Variants in DMXL1 observed in about 807,000 individuals in gnomAD.
DMXL1 encodes the protein Dmx like 1.
A neutral mutation model predicts 319.2 loss-of-function variants in DMXL1; 99 were observed. That is an observed-to-expected ratio of 0.31 (90% CI 0.26 to 0.37). DMXL1 has a LOEUF of 0.37. DMXL1 is among the 10% of genes least tolerant of loss of function. The pLI is 1.00. For missense variants in DMXL1, 3,745 were observed against 3,595.6 expected (o/e 1.04, Z -1.06); for synonymous variants, 1,385 against 1,235.2 (o/e 1.12, Z -2.54).
At chr5:119,074,190 A>G (rs1055658750) in intron 1 of DMXL1, among the ~76,000 whole-genome samples, 7 of 152,224 alleles carry the variant, frequency 4.6e-5, no homozygotes, top group Non-Finnish European at 1.0e-4. Flanking sequence ...AAGTGCTGGG[A>G]TTACAGGCGG....
chr5:119,163,169 C>G (rs997363324), intron 19 of DMXL1, among the ~76,000 whole-genome samples: 2 of 151,964 alleles, frequency 1.3e-5, no homozygotes, highest in African/African-American at 4.8e-5. Context: ...AGATTCTATT[C>G]TAAATTTTAT....
At chr5:119,209,982 T>C (rs563650495) in intron 34 of DMXL1, among the ~76,000 whole-genome samples, 3 of 152,340 alleles carry the variant, frequency 2.0e-5, no homozygotes, top group African/African-American at 7.2e-5. Context: ...TATTTATTTA[T>C]TTTTTAAGCA....
At chr5:119,148,625 T>A in intron 17 of DMXL1, 114 bp from the exon 18 acceptor site, 1 of 1,031,580 alleles carries the variant, frequency 9.7e-7, no homozygotes, top group Non-Finnish European at 1.4e-6. Flanking sequence ...AGATGCCCCT[T>A]TGATTTTGTT....
At chr5:119,130,929 G>A (rs1166657618) in intron 10 of DMXL1, among the ~76,000 whole-genome samples, 1 of 151,344 alleles carries the variant, frequency 6.6e-6, no homozygotes, top group Non-Finnish European at 1.5e-5. Context: ...TGTTTTACCA[G>A]TTTATACTTC....
intron 40 of DMXL1, among the ~76,000 whole-genome samples, 171 bp downstream of exon 40, chr5:119,237,585 A>G (rs1424455282): frequency 6.6e-6 from 1 of 152,030 alleles, no homozygotes; most frequent in Non-Finnish European, 1.5e-5. Flanking sequence ...TTACTCTGTG[A>G]AGCATAAAAT....
Position 119,099,909 on chromosome 5 carries a change from G to A in DMXL1, c.213+1805G>A, listed in dbSNP as rs539703145. On this transcript the variant is annotated intron_variant, in intron 2 of 43. Coordinates refer to ENST00000539542, the MANE Select transcript of DMXL1 (RefSeq NM_001290321.3). ...CTAGCTACCCGGGAAGCTGAGGCGGGAGAATCACTTGAGCCCAGGAGTTCC... is the reference window on the plus strand; with the variant it reads ...CTAGCTACCCGGGAAGCTGAGGCGGAAGAATCACTTGAGCCCAGGAGTTCC... Among the ~76,000 whole-genome samples, 5 of 152,260 alleles carry A rather than the reference G, an allele frequency of 3.3e-5. No individual in the cohort carries two copies. The South Asian group carries it at 1.0e-3, about 32-fold the overall frequency.
intron 42 of DMXL1, among the ~76,000 whole-genome samples, chr5:119,241,403 T>C (rs1256581688): frequency 6.6e-6 from 1 of 151,622 alleles, no homozygotes; most frequent in Non-Finnish European, 1.5e-5. Context: ...GGCGTTGTGG[T>C]GGATGCCTGT....
At chr5:119,245,044 T>G (rs1371260930) in intron 43 of DMXL1, among the ~76,000 whole-genome samples, 1 of 152,192 alleles carries the variant, frequency 6.6e-6, no homozygotes, top group Admixed American at 6.5e-5. Context: ...GTTGAAAACT[T>G]AAGACAGGTT....
rs1761981125 is a variant in DMXL1, at chr5:119,121,258, T to C, written c.1102+119T>C. 4.0e-6 allele frequency: 3 copies of C among 754,060 alleles called. No individual in the cohort carries two copies. The South Asian group carries it at 1.3e-4, about 33-fold the overall frequency. The allele number at this position is 754,060 out of a possible 1,614,324, so 46.7% of individuals were successfully genotyped here. On this transcript the variant is annotated intron_variant, in intron 9 of 43. Transcript: ENST00000539542. The stretch of plus-strand genomic sequence containing the variant: ...ATTGGAGGTGACTGTCTTAGCCTAT[T>C]TTTCTTTTTTTTTTCTTTTTTTTTA...
At chr5:119,238,843 C>T in intron 40 of DMXL1, 146 bp from the exon 41 acceptor site, 2 of 1,422,350 alleles carry the variant, frequency 1.4e-6, no homozygotes, top group South Asian at 3.1e-5. Flanking sequence ...ATTACTTTTA[C>T]AATTTTTCTA....
intron 32 of DMXL1, among the ~76,000 whole-genome samples, chr5:119,199,985 C>G (rs1369236091): frequency 6.6e-6 from 1 of 152,018 alleles, no homozygotes; most frequent in Non-Finnish European, 1.5e-5. Flanking sequence ...AGACCTTTAT[C>G]AGGTACATAG....
At chr5:119,206,757 T>C (rs1781817428) in intron 33 of DMXL1, 77 bp from the exon 34 acceptor site, 1 of 880,294 alleles carries the variant, frequency 1.1e-6, no homozygotes, top group Non-Finnish European at 1.7e-6. Flanking sequence ...AAATATAGCA[T>C]TGAAACAATC....
At position 119,114,510 on chromosome 5, in the gene DMXL1, C is replaced by T. The variant is rs1760387038; in HGVS notation, c.533C>T (p.Pro178Leu). The T allele has an allele frequency of 6.2e-7, 1 of 1,609,406 alleles. No individual in the cohort carries two copies. Among genetic ancestry groups the T allele is most frequent in the Non-Finnish European group, 8.5e-7 (1 of 1,178,536 alleles). Reference sequence around the variant, plus strand: ...CAAGTTCATTTAATGAAATTTTCACCAGATGGAGAATTTTTTGCCACTGCT... The same window carrying T: ...CAAGTTCATTTAATGAAATTTTCACTAGATGGAGAATTTTTTGCCACTGCT... ...ASQVHLMKFSPDGEFFATAGK... is the reference protein window; with the variant it reads ...ASQVHLMKFSLDGEFFATAGK... Residue 178 changes from proline (P) to leucine (L), a missense_variant, in exon 6 of 44, where the codon CCA (proline) becomes CTA (leucine). By Grantham distance (98) the Pro-to-Leu change is moderately conservative. Coordinates refer to ENST00000539542, the MANE Select transcript of DMXL1 (RefSeq NM_001290321.3).
chr5:119,194,434 C>T (rs1488816500), intron 30 of DMXL1, among the ~76,000 whole-genome samples: 2 of 152,180 alleles, frequency 1.3e-5, no homozygotes, highest in Non-Finnish European at 2.9e-5. Flanking sequence ...GTTCTAAATG[C>T]TCACCTCTAG....
intron 9 of DMXL1, 56 bp from the exon 10 acceptor site, chr5:119,129,155 A>T (rs1764250918): frequency 4.9e-6 from 5 of 1,024,708 alleles, no homozygotes; most frequent in African/African-American, 3.3e-5. Flanking sequence ...TGAAACATGG[A>T]TGTTTCATAT....
rs1016391321 is a variant in DMXL1, at chr5:119,146,978, T to G, written c.2689+22T>G. ...TTAGGTGAGTCTTTTGTGTGTGTGT[T>G]TGTGCAACTTTAATAGGTGTAAGTT... On this transcript the variant is annotated intron_variant, in intron 16 of 43. Transcript: ENST00000539542. The G allele has an allele frequency of 5.6e-6, 9 of 1,608,210 alleles. No individual in the cohort carries two copies. In the African/African-American group the frequency reaches 9.4e-5, roughly 17 times the overall value.
At chr5:119,098,948 C>G (rs1290929841) in intron 2 of DMXL1, among the ~76,000 whole-genome samples, 1 of 152,246 alleles carries the variant, frequency 6.6e-6, no homozygotes, top group South Asian at 2.1e-4. Flanking sequence ...TTGAGGTAAA[C>G]TTTCTAGGAT....
intron 9 of DMXL1, among the ~76,000 whole-genome samples, chr5:119,123,081 A>G (rs1762572468): frequency 6.6e-6 from 1 of 152,012 alleles, no homozygotes; most frequent in Non-Finnish European, 1.5e-5. Flanking sequence ...CTGGTGGATC[A>G]CTCGTGGTTA....
At chr5:119,122,524 G>A (rs1239106357) in intron 9 of DMXL1, among the ~76,000 whole-genome samples, 3 of 151,500 alleles carry the variant, frequency 2.0e-5, no homozygotes, top group Non-Finnish European at 4.4e-5. Context: ...CTGCCGGGCG[G>A]AGAGGCTCCT....
Sources: allele counts gnomAD v4.1 joint callset (sites outside exome capture counted in the v4.1 genomes callset), GRCh38; gene constraint gnomAD v4.1.1; transcripts MANE v1.5; gene names NCBI Gene and HGNC (gene_info 2026-07-23, HGNC 2026-07-21).